The following VAV3 variants were observed in gnomAD, a reference collection of about 807,000 sequenced individuals.
VAV3 encodes vav guanine nucleotide exchange factor 3.
A neutral mutation model predicts 131.2 loss-of-function variants in VAV3; 94 were observed. The observed-to-expected ratio is 0.72, with a 90% CI of 0.61 to 0.85. VAV3 has a LOEUF of 0.85. VAV3 is among the 40% of genes least tolerant of loss of function. The probability of loss-of-function intolerance (pLI) is 0.00; values close to 1 mark genes in which losing one functional copy is unlikely to be tolerated. For missense variants in VAV3, 939 were observed against 1,002.7 expected (o/e 0.94, Z 0.86); for synonymous variants, 349 against 342.0 (o/e 1.02, Z -0.22).
intron 2 of VAV3, among the ~76,000 whole-genome samples, chr1:107,858,197 T>C (rs1557885851): frequency 6.6e-6 from 1 of 152,126 alleles, no homozygotes; most frequent in Non-Finnish European, 1.5e-5. Context: ...TACAAGAAAA[T>C]TTCCTTGCTT....
chr1:107,880,556 G>A (rs1670714819), intron 1 of VAV3, among the ~76,000 whole-genome samples: 1 of 152,116 alleles, frequency 6.6e-6, no homozygotes, highest in Non-Finnish European at 1.5e-5. Context: ...AACACTTCAG[G>A]AGGCCGAGGT....
chr1:107,825,298 T>C (rs2102372710), intron 2 of VAV3, among the ~76,000 whole-genome samples: 1 of 152,328 alleles, frequency 6.6e-6, no homozygotes, highest in South Asian at 2.1e-4. Flanking sequence ...TTATGGGTCT[T>C]TATTGCATAT....
In VAV3 at chr1:107,946,174, G is replaced by C. The variant is rs1438615115; in HGVS notation, c.204+18492C>G. 4.6e-5 allele frequency among the ~76,000 whole-genome samples: 7 copies of C among 152,292 alleles called. No individual in the cohort carries two copies. The South Asian group carries it at 1.4e-3, about 32-fold the overall frequency. On this transcript the variant is annotated intron_variant, in intron 1 of 26. Coordinates refer to ENST00000370056, the MANE Select transcript of VAV3 (RefSeq NM_006113.5). ...TGGCATGAGGTAGAATACACATAGGGAGACTAATTAGGAGGCAGTGGTCCA... is the reference window on the plus strand; with the variant it reads ...TGGCATGAGGTAGAATACACATAGGCAGACTAATTAGGAGGCAGTGGTCCA...
chr1:107,828,563 G>A (rs1235663661), intron 2 of VAV3, among the ~76,000 whole-genome samples: 5 of 151,922 alleles, frequency 3.3e-5, no homozygotes, highest in African/African-American at 4.8e-5. Flanking sequence ...AGATTCTATC[G>A]GATAATTCTT....
intron 2 of VAV3, among the ~76,000 whole-genome samples, chr1:107,864,157 C>T (rs1181535074): frequency 6.6e-6 from 1 of 152,096 alleles, no homozygotes; most frequent in Non-Finnish European, 1.5e-5. Context: ...TTACAAAATG[C>T]AATGTATACA....
chr1:107,961,010 C>T (rs1031659733), intron 1 of VAV3, among the ~76,000 whole-genome samples: 6 of 151,706 alleles, frequency 4.0e-5, no homozygotes, highest in African/African-American at 1.5e-4. Flanking sequence ...TACTAAAATC[C>T]AAACCCCTTT....
intron 2 of VAV3, among the ~76,000 whole-genome samples, chr1:107,839,034 A>T (rs1668586253): frequency 6.6e-6 from 1 of 152,170 alleles, no homozygotes; most frequent in Non-Finnish European, 1.5e-5. Flanking sequence ...TTTGTACTCT[A>T]AATCTTGGTA....
intron 1 of VAV3, among the ~76,000 whole-genome samples, chr1:107,953,968 A>C (rs1288385576): frequency 6.6e-6 from 1 of 152,238 alleles, no homozygotes; most frequent in Non-Finnish European, 1.5e-5. Flanking sequence ...TTTTGAAAGC[A>C]CATTCAGACA....
intron 15 of VAV3, among the ~76,000 whole-genome samples, chr1:107,708,629 C>T (rs935549829): frequency 6.6e-6 from 1 of 152,122 alleles, no homozygotes; most frequent in Non-Finnish European, 1.5e-5. Flanking sequence ...CTAGCCTGGA[C>T]CTCTTTGTTC....
chr1:107,814,747 C>G lies in VAV3; in HGVS notation c.322-35255G>C, dbSNP rs141945610. On this transcript the variant is annotated intron_variant, in intron 2 of 26. Coordinates refer to ENST00000370056, the MANE Select transcript of VAV3 (RefSeq NM_006113.5). The stretch of plus-strand genomic sequence containing the variant: ...TCCCCTAAACCATAATAATTTTGAG[C>G]AATGCAGAGGTATGATGAAAACAGT... 6.6e-5 allele frequency among the ~76,000 whole-genome samples: 10 copies of G among 152,184 alleles called. No individual in the cohort carries two copies. The East Asian group carries it at 1.4e-3, about 21-fold the overall frequency.
intron 1 of VAV3, among the ~76,000 whole-genome samples, chr1:107,931,190 G>C (rs1673421797): frequency 6.6e-6 from 1 of 152,126 alleles, no homozygotes. Flanking sequence ...CTGTATGTTA[G>C]ATTATAATAA....
intron 13 of VAV3, among the ~76,000 whole-genome samples, chr1:107,750,198 CTG>C (rs1663624406): frequency 6.6e-6 from 1 of 152,316 alleles, no homozygotes; most frequent in East Asian, 1.9e-4. Flanking sequence ...ATTTTGGAAA[CTG>C]TGCTTTTACC....
At chr1:107,835,368 T>G (rs1391530019) in intron 2 of VAV3, among the ~76,000 whole-genome samples, 1 of 152,158 alleles carries the variant, frequency 6.6e-6, no homozygotes, top group Non-Finnish European at 1.5e-5. Context: ...CCCCCCAGGT[T>G]AGAGCAGATG....
In VAV3 at chr1:107,688,381, C is replaced by T. The variant is rs1460996475; in HGVS notation, c.1731G>A (p.Glu577=). Residue 577 remains glutamate (E), a splice_region_variant and synonymous_variant, in exon 18 of 27, where the codon GAG becomes GAA. Transcript: ENST00000370056. ...SGEQGTLKLP[E]KRTNGLRRTP... Reference sequence around the variant, plus strand: ...AAAATATTTAAAATGTTAATCTTACCTCTGGTAGTTTGAGTGTCCCTTGTT... The same window carrying T: ...AAAATATTTAAAATGTTAATCTTACTTCTGGTAGTTTGAGTGTCCCTTGTT... The T allele has an allele frequency of 6.2e-7, 1 of 1,612,644 alleles. No individual in the cohort carries two copies. The highest frequency in any genetic ancestry group is 8.5e-7 in the Non-Finnish European group (1 of 1,179,444).
chr1:107,616,021 C>T (rs1334923904), intron 21 of VAV3, among the ~76,000 whole-genome samples: 1 of 152,116 alleles, frequency 6.6e-6, no homozygotes, highest in African/African-American at 2.4e-5. Context: ...AGTAATTCAG[C>T]CTTTGTGGAA....
chr1:107,576,963 T>C (rs190011801), intron 25 of VAV3, among the ~76,000 whole-genome samples: 165 of 152,292 alleles, frequency 1.1e-3, no homozygotes, highest in African/African-American at 3.8e-3. Flanking sequence ...CCAGCTTATT[T>C]TCAAAAGGAG....
chr1:107,846,868 CAG>C (rs1668994284), intron 2 of VAV3, among the ~76,000 whole-genome samples: 1 of 152,100 alleles, frequency 6.6e-6, no homozygotes, highest in South Asian at 2.1e-4. Context: ...ATCAACGAAA[CAG>C]AAAATTAACA....
intron 2 of VAV3, among the ~76,000 whole-genome samples, chr1:107,795,809 G>A (rs965370159): frequency 1.3e-5 from 2 of 152,144 alleles, no homozygotes; most frequent in Non-Finnish European, 2.9e-5. Flanking sequence ...TTGGCCAGAG[G>A]GACATTTTGA....
intron 24 of VAV3, among the ~76,000 whole-genome samples, chr1:107,596,986 C>CCTT: frequency 6.6e-6 from 1 of 152,212 alleles, no homozygotes; most frequent in South Asian, 2.1e-4. Flanking sequence ...CACATGCCAT[C>CCTT]CTTCAGACTA....
Sources: allele counts gnomAD v4.1 joint callset (sites outside exome capture counted in the v4.1 genomes callset), GRCh38; gene constraint gnomAD v4.1.1; transcripts MANE v1.5; gene names NCBI Gene and HGNC (gene_info 2026-07-23, HGNC 2026-07-21).